Variants in AUTS2 observed in about 807,000 individuals in gnomAD.
The protein encoded by AUTS2 is activator of transcription and developmental regulator AUTS2, also known as autism susceptibility gene 2 protein.
Under a neutral mutation model 112.4 loss-of-function variants are expected in AUTS2, and 17 were observed. The ratio of observed to expected loss-of-function variants is 0.15; its 90% confidence interval spans 0.10 to 0.23. The LOEUF (loss-of-function observed/expected upper bound fraction) is 0.23. AUTS2 is among the 10% of genes least tolerant of loss of function. The pLI, the probability that AUTS2 is intolerant of heterozygous loss-of-function variation, is 1.00. For synonymous variants in AUTS2, 751 were observed against 702.7 expected, an observed-to-expected ratio of 1.07 and a Z score of -1.09; for missense variants, 1,510 against 1,701.6, an observed-to-expected ratio of 0.89 and a Z score of 1.98.
intron 5 of AUTS2, among the ~76,000 whole-genome samples, chr7:70,605,637 T>C (rs1159853546): frequency 6.7e-6 from 1 of 149,760 alleles, no homozygotes; most frequent in African/African-American, 2.5e-5. Context: ...TCTGGAACTT[T>C]TCTAGTAAGT....
chr7:70,618,305 C>T (rs1315651638), intron 5 of AUTS2, among the ~76,000 whole-genome samples: 2 of 152,174 alleles, frequency 1.3e-5, no homozygotes, highest in Non-Finnish European at 2.9e-5. Flanking sequence ...AGGCCGGACC[C>T]TCTCAGCTCC....
chr7:69,791,589 G>C (rs1348069418), intron 1 of AUTS2, among the ~76,000 whole-genome samples: 1 of 152,160 alleles, frequency 6.6e-6, no homozygotes, highest in Non-Finnish European at 1.5e-5. Flanking sequence ...GAGGAGAATG[G>C]TATTGAATTT....
intron 1 of AUTS2, among the ~76,000 whole-genome samples, chr7:69,795,615 G>A (rs1394807164): frequency 6.6e-6 from 1 of 152,206 alleles, no homozygotes; most frequent in Non-Finnish European, 1.5e-5. Flanking sequence ...ATAAGGCAAG[G>A]AAATGAATGA....
At chr7:70,784,372 A>C (rs12698936) in intron 15 of AUTS2, 1 of 152,380 alleles carries the variant, frequency 6.6e-6, no homozygotes, top group Non-Finnish European at 1.5e-5. Flanking sequence ...CCTGAGCCAG[A>C]GATGATAACG....
intron 1 of AUTS2, among the ~76,000 whole-genome samples, chr7:69,819,067 C>T (rs1790877636): frequency 6.6e-6 from 1 of 152,126 alleles, no homozygotes; most frequent in Non-Finnish European, 1.5e-5. Context: ...TTGGGTGTGC[C>T]TGAGTTTTGT....
intron 1 of AUTS2, among the ~76,000 whole-genome samples, chr7:69,751,651 C>G (rs1450345515): frequency 3.3e-5 from 5 of 152,158 alleles, no homozygotes; most frequent in African/African-American, 1.2e-4. Flanking sequence ...TAAACTTCTT[C>G]AGTTATGTAG....
At chr7:70,339,274 A>T (rs763666763) in intron 4 of AUTS2, among the ~76,000 whole-genome samples, 1 of 152,168 alleles carries the variant, frequency 6.6e-6, no homozygotes, top group Non-Finnish European at 1.5e-5. Flanking sequence ...AGCTATTTTT[A>T]AAATTCTTAT....
chr7:69,760,197 C>CTTTT (rs375758180), intron 1 of AUTS2, among the ~76,000 whole-genome samples: 32 of 121,064 alleles, frequency 2.6e-4, no homozygotes, highest in African/African-American at 9.0e-4. Flanking sequence ...TTCTTTTTTT[C>CTTTT]TTTTTTTTTT....
intron 1 of AUTS2, among the ~76,000 whole-genome samples, chr7:69,661,190 T>C (rs1376685145): frequency 6.6e-6 from 1 of 152,144 alleles, no homozygotes; most frequent in African/African-American, 2.4e-5. Flanking sequence ...GGAACCTGGA[T>C]AGATTGATTT....
intron 4 of AUTS2, among the ~76,000 whole-genome samples, chr7:70,155,222 C>G (rs1807678939): frequency 6.6e-6 from 1 of 152,106 alleles, no homozygotes; most frequent in African/African-American, 2.4e-5. Context: ...AAACCGTGGG[C>G]TGAGCTCTGG....
chr7:70,382,902 T>G (rs1793434458), intron 4 of AUTS2, among the ~76,000 whole-genome samples: 1 of 152,196 alleles, frequency 6.6e-6, no homozygotes, highest in Non-Finnish European at 1.5e-5. Context: ...GTAATGAAAG[T>G]AAAAACCACC....
intron 4 of AUTS2, among the ~76,000 whole-genome samples, chr7:70,432,095 G>A (rs74840138): frequency 7.2e-5 from 11 of 152,214 alleles, no homozygotes; most frequent in South Asian, 2.1e-4. Flanking sequence ...TTTTCACAGC[G>A]GGCTCTGAAA....
At chr7:69,761,162 G>A (rs1454270374) in intron 1 of AUTS2, among the ~76,000 whole-genome samples, 1 of 152,180 alleles carries the variant, frequency 6.6e-6, no homozygotes, top group African/African-American at 2.4e-5. Context: ...TCAGCTGCCT[G>A]GAAATGCTGT....
At chr7:70,754,139 C>T (rs895346669) in intron 6 of AUTS2, among the ~76,000 whole-genome samples, 6 of 151,884 alleles carry the variant, frequency 4.0e-5, no homozygotes, top group African/African-American at 7.3e-5. Context: ...CCAGCCTGGG[C>T]GACAGAGCGA....
intron 2 of AUTS2, among the ~76,000 whole-genome samples, chr7:70,115,981 A>C (rs907713781): frequency 2.0e-5 from 3 of 152,196 alleles, no homozygotes; most frequent in Non-Finnish European, 2.9e-5. Flanking sequence ...AATGGACAAG[A>C]AACGTTCAGG....
intron 1 of AUTS2, among the ~76,000 whole-genome samples, chr7:69,641,346 G>A (rs779282445): frequency 6.6e-5 from 10 of 151,776 alleles, no homozygotes; most frequent in Non-Finnish European, 1.3e-4. Context: ...CAAACAACTC[G>A]GCCTCTTCAT....
intron 1 of AUTS2, among the ~76,000 whole-genome samples, chr7:69,857,206 C>T (rs1436465678): frequency 6.6e-6 from 1 of 152,110 alleles, no homozygotes; most frequent in Non-Finnish European, 1.5e-5. Flanking sequence ...CTAAGCAGCC[C>T]CTTTGAAATG....
intron 1 of AUTS2, among the ~76,000 whole-genome samples, chr7:69,852,035 A>G (rs1792506806): frequency 6.6e-6 from 1 of 152,092 alleles, no homozygotes; most frequent in African/African-American, 2.4e-5. Flanking sequence ...GTGAGAGTGG[A>G]CATGCTTGTC....
intron 1 of AUTS2, among the ~76,000 whole-genome samples, chr7:69,626,927 A>C (rs1283125755): frequency 6.6e-6 from 1 of 152,262 alleles, no homozygotes; most frequent in Admixed American, 6.5e-5. Context: ...TTGCCTGAGC[A>C]GAGAAAATAA....
Sources: allele counts gnomAD v4.1 joint callset (sites outside exome capture counted in the v4.1 genomes callset), GRCh38; gene constraint gnomAD v4.1.1; transcripts MANE v1.5; gene names NCBI Gene and HGNC (gene_info 2026-07-23, HGNC 2026-07-21).